Variants in HIVEP3 observed in about 807,000 individuals in gnomAD.
HIVEP3 encodes HIVEP zinc finger 3.
Under a neutral mutation model 152.8 loss-of-function variants are expected in HIVEP3, and 49 were observed. That is an observed-to-expected ratio of 0.32 (90% CI 0.26 to 0.41). The LOEUF is 0.41. HIVEP3 is among the 10% of genes least tolerant of loss of function. The pLI is 1.00. For missense variants in HIVEP3, 2,790 were observed against 3,103.3 expected (o/e 0.90, Z 2.40); for synonymous variants, 1,269 against 1,289.0 (o/e 0.98, Z 0.33).
chr1:41,789,562 T>C (rs909766643), intron 1 of HIVEP3, among the ~76,000 whole-genome samples: 13 of 152,240 alleles, frequency 8.5e-5, no homozygotes, highest in Admixed American at 3.9e-4. Flanking sequence ...ATCAAGCTCA[T>C]AATTTGGCAG....
At chr1:41,561,157 G>A (rs1416677934) in intron 5 of HIVEP3, among the ~76,000 whole-genome samples, 2 of 152,206 alleles carry the variant, frequency 1.3e-5, no homozygotes, top group African/African-American at 2.4e-5. Context: ...GCCAGAGATA[G>A]TTCATCCAAA....
At chr1:41,816,507 T>C (rs932320039) in intron 1 of HIVEP3, among the ~76,000 whole-genome samples, 3 of 151,786 alleles carry the variant, frequency 2.0e-5, no homozygotes, top group Non-Finnish European at 4.4e-5. Context: ...GCCAACATGG[T>C]GAAACCCCAT....
At chr1:41,763,375 G>A (rs1647813803) in intron 1 of HIVEP3, among the ~76,000 whole-genome samples, 1 of 152,086 alleles carries the variant, frequency 6.6e-6, no homozygotes, top group African/African-American at 2.4e-5. Flanking sequence ...TTCCCCAACT[G>A]CCACACTCCA....
In HIVEP3 at chr1:41,544,930, TCACCACCACCACCACTACCAC is replaced by T. The variant is rs1558046824; in HGVS notation, c.5208-20041_5208-20021del. On this transcript the variant is annotated intron_variant, in intron 5 of 8. Transcript: ENST00000372583. ...ACCACTACCACCTCTACCACCACCA[TCACCACCACCACCACTACCAC>T]CTCTACCATCACCACCACCACCACT... is the stretch of plus-strand genomic sequence containing the variant. Among the ~76,000 whole-genome samples, 9 of 8,114 alleles carry T rather than the reference TCACCACCACCACCACTACCAC, an allele frequency of 1.1e-3. 1 individual carries two copies. Among genetic ancestry groups the T allele is most frequent in the African/African-American group, 2.7e-3 (3 of 1,110 alleles). 5.3% of individuals were successfully genotyped at this position (8,114 alleles called of 152,430 possible). A position where few individuals can be genotyped will look rare whatever the true frequency, so the allele number is the denominator to read the frequency against.
chr1:41,822,294 G>A (rs749805740), intron 1 of HIVEP3, among the ~76,000 whole-genome samples: 6 of 152,282 alleles, frequency 3.9e-5, no homozygotes, highest in Middle Eastern at 3.4e-3. Flanking sequence ...TATAAGCCAC[G>A]AGGTCTCAAA....
chr1:41,758,178 G>A (rs1222484428), intron 1 of HIVEP3, among the ~76,000 whole-genome samples: 2 of 152,148 alleles, frequency 1.3e-5, no homozygotes, highest in African/African-American at 4.8e-5. Context: ...GCCTTCCCCG[G>A]ACAGGTTTTG....
intron 1 of HIVEP3, among the ~76,000 whole-genome samples, chr1:41,986,660 T>G (rs1645325317): frequency 6.6e-6 from 1 of 152,140 alleles, no homozygotes. Flanking sequence ...CAGGATGGTC[T>G]CGATCTCCTG....
chr1:41,518,467 T>A lies in HIVEP3; in HGVS notation c.5405A>T (p.Lys1802Met). 9 of 1,614,162 alleles carry A rather than the reference T, an allele frequency of 5.6e-6. No individual in the cohort carries two copies. Among genetic ancestry groups the A allele is most frequent in the Non-Finnish European group, 7.6e-6 (9 of 1,179,968 alleles). Reference protein sequence around the residue: ...KTKGNLTKHMKSKAHSKKCQE... With the variant: ...KTKGNLTKHMMSKAHSKKCQE... ...GCACTTTTTGCTGTGGGCCTTCGACTTCATGTGCTTAGTCAGATTCCCTAG... is the reference window on the plus strand; with the variant it reads ...GCACTTTTTGCTGTGGGCCTTCGACATCATGTGCTTAGTCAGATTCCCTAG... The change falls in exon 7 of 9, where the codon AAG becomes ATG. Residue 1802 changes from lysine to methionine, a missense_variant. Coordinates refer to ENST00000372583, the MANE Select transcript of HIVEP3 (RefSeq NM_024503.5).
intron 1 of HIVEP3, among the ~76,000 whole-genome samples, chr1:41,955,286 T>C (rs1645134392): frequency 6.6e-6 from 1 of 151,812 alleles, no homozygotes; most frequent in Non-Finnish European, 1.5e-5. Context: ...AAAATTGTGA[T>C]GGAAAAAAGA....
intron 1 of HIVEP3, among the ~76,000 whole-genome samples, chr1:41,709,805 C>T (rs1159507684): frequency 1.3e-5 from 2 of 152,136 alleles, no homozygotes; most frequent in African/African-American, 4.8e-5. Flanking sequence ...CCACTGCCAT[C>T]CATAGGAATG....
intron 1 of HIVEP3, among the ~76,000 whole-genome samples, chr1:41,776,530 C>T (rs186879196): frequency 3.3e-5 from 5 of 152,330 alleles, no homozygotes; most frequent in Non-Finnish European, 7.3e-5. Flanking sequence ...AAAGGTGGCC[C>T]TTTGTCCTTA....
intron 3 of HIVEP3, among the ~76,000 whole-genome samples, chr1:41,594,983 A>T (rs1483043179): frequency 6.6e-6 from 1 of 152,178 alleles, no homozygotes; most frequent in East Asian, 1.9e-4. Context: ...GCATTATTGA[A>T]TAGTCCACCT....
At chr1:41,684,929 A>G (rs1265267982) in intron 2 of HIVEP3, among the ~76,000 whole-genome samples, 2 of 152,146 alleles carry the variant, frequency 1.3e-5, no homozygotes, top group African/African-American at 4.8e-5. Context: ...GAGCCTAAAT[A>G]TTCTCCTACC....
chr1:41,694,656 C>A (rs1370322458), intron 2 of HIVEP3, among the ~76,000 whole-genome samples: 1 of 152,196 alleles, frequency 6.6e-6, no homozygotes, highest in Non-Finnish European at 1.5e-5. Flanking sequence ...TGCCCCAACA[C>A]CTGTCCTCAG....
intron 5 of HIVEP3, among the ~76,000 whole-genome samples, chr1:41,559,482 G>A (rs531079191): frequency 1.3e-5 from 2 of 152,170 alleles, no homozygotes; most frequent in East Asian, 1.9e-4. Flanking sequence ...CTGTCTCCAC[G>A]GAGGGATGCC....
At chr1:41,667,822 G>A (rs555732472) in intron 2 of HIVEP3, among the ~76,000 whole-genome samples, 1 of 152,180 alleles carries the variant, frequency 6.6e-6, no homozygotes, top group Non-Finnish European at 1.5e-5. Flanking sequence ...TGCATTTAAA[G>A]TATCAATAAC....
chr1:41,681,520 A>G (rs1646038568), intron 2 of HIVEP3, among the ~76,000 whole-genome samples: 3 of 152,220 alleles, frequency 2.0e-5, no homozygotes, highest in Admixed American at 6.5e-5. Flanking sequence ...GCTGGTGCTC[A>G]CGTGGCTGCA....
rs1163909155 is a variant in HIVEP3 at position 41,510,435 on chromosome 1, A to C, written c.*16T>G. 3.4e-6 allele frequency: 5 copies of C among 1,457,986 alleles called. No individual in the cohort carries two copies. Among genetic ancestry groups the C allele is most frequent in the Non-Finnish European group, 4.5e-6 (5 of 1,102,818 alleles). 90.3% of individuals were successfully genotyped at this position (1,457,986 alleles called of 1,614,324 possible). The stretch of plus-strand genomic sequence containing the variant: ...CTGGACACTGGAAGCCAGATGCTGA[A>C]GCAGTTGGAGAGAGGCTAAGCGTTG... On this transcript the variant is annotated 3_prime_UTR_variant, in exon 9 of 9. Transcript: ENST00000372583.
chr1:41,562,426 C>T (rs1247492233), intron 5 of HIVEP3, among the ~76,000 whole-genome samples: 1 of 152,182 alleles, frequency 6.6e-6, no homozygotes. Context: ...TGAATACCAC[C>T]TTACAGGCAG....
Sources: gnomAD v4.1 joint callset for allele counts (sites outside exome capture counted in the v4.1 genomes callset) on GRCh38, gnomAD v4.1.1 for gene constraint, MANE v1.5 for transcripts, NCBI Gene and HGNC (gene_info 2026-07-23, HGNC 2026-07-21) for gene names.